The following DGKB variants were observed in gnomAD, a reference collection of about 807,000 sequenced individuals.
The protein encoded by DGKB is diacylglycerol kinase beta, also known as 90 kDa diacylglycerol kinase.
In DGKB, 67 loss-of-function variants were observed where a neutral mutation model predicts 114.3. The observed-to-expected ratio is 0.59, with a 90% CI of 0.48 to 0.72. The LOEUF is 0.72. DGKB is among the 30% of genes least tolerant of loss of function. DGKB has a pLI of 0.00. For missense variants in DGKB, 907 were observed against 975.2 expected (o/e 0.93, Z 0.93); for synonymous variants, 398 against 323.1 (o/e 1.23, Z -2.49).
rs190991879 is a variant in DGKB, at chr7:14,881,208, G to C, written c.-188+21384C>G. Among the ~76,000 whole-genome samples, 24 of 152,198 alleles carry C rather than the reference G, an allele frequency of 1.6e-4. No individual in the cohort carries two copies. The East Asian group carries it at 4.1e-3, about 26-fold the overall frequency. ...CTTATAATGTTGTTGTTGGTATTGT[G>C]ATCATTACTTCAGTTCAATGACTAT... is the stretch of plus-strand genomic sequence containing the variant. On this transcript the variant is annotated intron_variant, in intron 1 of 25. Coordinates refer to ENST00000402815, the MANE Select transcript of DGKB (RefSeq NM_001350709.2).
chr7:14,484,378 G>A (rs1482716640), intron 20 of DGKB, among the ~76,000 whole-genome samples: 1 of 152,102 alleles, frequency 6.6e-6, no homozygotes, highest in Non-Finnish European at 1.5e-5. Context: ...TTGGAGGTGG[G>A]GCCTCGTGGG....
intron 21 of DGKB, among the ~76,000 whole-genome samples, chr7:14,359,101 G>GAT (rs144055630): frequency 0.067 from 9,961 of 149,578 alleles, 399 homozygotes; most frequent in African/African-American, 0.12. Context: ...TACCAAAACA[G>GAT]ATATATATAT....
intron 2 of DGKB, among the ~76,000 whole-genome samples, chr7:14,820,218 A>G (rs983965026): frequency 1.3e-5 from 2 of 152,162 alleles, no homozygotes; most frequent in Admixed American, 1.3e-4. Context: ...TCAATAAAAA[A>G]ACCCTCTAAA....
upstream of DGKB, among the ~76,000 whole-genome samples, chr7:14,906,159 C>A (rs187002864): frequency 3.9e-4 from 59 of 152,034 alleles, 1 homozygote; most frequent in Middle Eastern, 3.4e-3. Context: ...TCTCTCTCTA[C>A]TCCCCTTTTG....
chr7:14,748,285 T>C (rs1014928931), intron 4 of DGKB, among the ~76,000 whole-genome samples: 19 of 152,164 alleles, frequency 1.2e-4, no homozygotes, highest in African/African-American at 4.6e-4. Context: ...ATCTACAATG[T>C]CTAATGGTAT....
intron 20 of DGKB, among the ~76,000 whole-genome samples, chr7:14,556,502 A>T (rs995939656): frequency 5.3e-4 from 81 of 152,272 alleles, no homozygotes; most frequent in African/African-American, 1.9e-3. Context: ...TGAGAGAAGA[A>T]TTATGGTCTT....
chr7:14,602,522 C>A (rs956150889), intron 17 of DGKB, among the ~76,000 whole-genome samples: 17 of 152,232 alleles, frequency 1.1e-4, no homozygotes, highest in African/African-American at 3.9e-4. Flanking sequence ...TCTACGCTTA[C>A]GAATGGGATT....
intron 21 of DGKB, among the ~76,000 whole-genome samples, chr7:14,438,784 A>C (rs993906385): frequency 1.3e-5 from 2 of 152,156 alleles, no homozygotes; most frequent in East Asian, 3.9e-4. Context: ...ACATTTCTAA[A>C]AGAAGCAGAT....
chr7:14,641,818 T>C (rs1811860321), intron 13 of DGKB, among the ~76,000 whole-genome samples: 1 of 152,108 alleles, frequency 6.6e-6, no homozygotes, highest in Admixed American at 6.5e-5. Context: ...CTCTTCGTTT[T>C]TAAGATTTTA....
chr7:14,973,508 GTTTGTTT>G (rs1411564848), intron 1 of DGKB, among the ~76,000 whole-genome samples: 38 of 125,514 alleles, frequency 3.0e-4, no homozygotes, highest in Non-Finnish European at 5.1e-4. Flanking sequence ...GTTTTGTTTT[GTTTGTTT>G]TTTGTTTTTT....
At chr7:14,716,341 G>A (rs1271263667) in intron 6 of DGKB, among the ~76,000 whole-genome samples, 1 of 152,148 alleles carries the variant, frequency 6.6e-6, no homozygotes, top group East Asian at 1.9e-4. Context: ...TCTGATGTGT[G>A]ATAAAGTTTG....
chr7:14,579,059 C>T (rs1343193838), intron 19 of DGKB, among the ~76,000 whole-genome samples: 2 of 152,180 alleles, frequency 1.3e-5, no homozygotes, highest in Non-Finnish European at 2.9e-5. Context: ...ATGTTACCTC[C>T]TCAGAGAGAC....
At chr7:14,302,642 A>G (rs529892182) in intron 23 of DGKB, among the ~76,000 whole-genome samples, 7 of 152,004 alleles carry the variant, frequency 4.6e-5, no homozygotes, top group Non-Finnish European at 7.4e-5. Context: ...ACTTTTATTG[A>G]CTTGATCCAT....
intron 13 of DGKB, among the ~76,000 whole-genome samples, chr7:14,656,877 C>G (rs1815939942): frequency 6.6e-6 from 1 of 151,514 alleles, no homozygotes; most frequent in East Asian, 1.9e-4. Context: ...CAATTGTCTA[C>G]AACACTTGAA....
At chr7:14,343,614 A>C (rs1811988826) in intron 22 of DGKB, among the ~76,000 whole-genome samples, 1 of 151,642 alleles carries the variant, frequency 6.6e-6, no homozygotes, top group Admixed American at 6.6e-5. Flanking sequence ...GGATAAAGTA[A>C]AGGGAGGTGC....
intron 21 of DGKB, among the ~76,000 whole-genome samples, chr7:14,429,203 C>T (rs771453414): frequency 1.4e-4 from 22 of 152,106 alleles, no homozygotes; most frequent in Middle Eastern, 3.4e-3. Flanking sequence ...CCTAATCTCC[C>T]GTGTGATGGT....
At chr7:14,356,471 C>T (rs1814544358) in intron 21 of DGKB, among the ~76,000 whole-genome samples, 1 of 145,942 alleles carries the variant, frequency 6.9e-6, no homozygotes, top group Admixed American at 7.2e-5. Flanking sequence ...ATGCCATTCT[C>T]TTGCCTCAGC....
intron 20 of DGKB, among the ~76,000 whole-genome samples, chr7:14,517,015 G>T (rs1788914449): frequency 6.6e-6 from 1 of 151,900 alleles, no homozygotes; most frequent in African/African-American, 2.4e-5. Flanking sequence ...CTAAGCAAAA[G>T]GAACAAAGCT....
At chr7:14,614,875 A>G (rs1806230530) in intron 15 of DGKB, among the ~76,000 whole-genome samples, 1 of 152,102 alleles carries the variant, frequency 6.6e-6, no homozygotes, top group Admixed American at 6.6e-5. Flanking sequence ...TGAGCAGGAA[A>G]AACTTATGCA....
Sources: allele counts gnomAD v4.1 joint callset (sites outside exome capture counted in the v4.1 genomes callset), GRCh38; gene constraint gnomAD v4.1.1; transcripts MANE v1.5; gene names NCBI Gene and HGNC (gene_info 2026-07-23, HGNC 2026-07-21).